The following PCDHA8 variants were observed in gnomAD, a reference collection of about 807,000 sequenced individuals.
PCDHA8 encodes the protein protocadherin alpha 8.
PCDHA8 carries 53 observed loss-of-function variants against 61.8 expected under a neutral mutation model. The observed-to-expected ratio is 0.86, with a 90% CI of 0.69 to 1.08. PCDHA8 has a LOEUF of 1.08. Ranked by LOEUF, PCDHA8 falls within the 50% of genes least tolerant of loss-of-function variation. The pLI is 0.00. For synonymous variants in PCDHA8, 618 were observed against 556.6 expected, an observed-to-expected ratio of 1.11 and a Z score of -1.55; for missense variants, 1,293 against 1,245.0, an observed-to-expected ratio of 1.04 and a Z score of -0.58.
chr5:140,906,239 T>G (rs563566442), intron 1 of PCDHA8, among the ~76,000 whole-genome samples: 5 of 152,314 alleles, frequency 3.3e-5, no homozygotes, highest in Admixed American at 1.3e-4. Context: ...CCTTGTCAAC[T>G]TGAACCCATA....
intron 1 of PCDHA8, among the ~76,000 whole-genome samples, chr5:140,963,211 G>A (rs185560728): frequency 0.016 from 2,496 of 152,042 alleles, 69 homozygotes; most frequent in African/African-American, 0.056. Flanking sequence ...AAAAAACCTC[G>A]TGTTTAGAGT....
At chr5:140,997,668 T>TTGTGTGTGTG (rs35184029) in intron 3 of PCDHA8, among the ~76,000 whole-genome samples, 47 of 148,344 alleles carry the variant, frequency 3.2e-4, no homozygotes, top group East Asian at 1.8e-3. Flanking sequence ...ATTATACAGC[T>TTGTGTGTGTG]TGTGTGTGTG....
chr5:140,967,018 G>T, intron 1 of PCDHA8: 1 of 1,607,168 alleles, frequency 6.2e-7, no homozygotes, highest in Non-Finnish European at 8.5e-7. Context: ...ATCTGGGTGC[G>T]CCCAGTCCGC....
At chr5:140,941,508 G>A (rs1296025812) in intron 1 of PCDHA8, among the ~76,000 whole-genome samples, 1 of 151,286 alleles carries the variant, frequency 6.6e-6, no homozygotes, top group African/African-American at 2.4e-5. Flanking sequence ...GTAGAGACGA[G>A]GTTTCACCAT....
intron 3 of PCDHA8, among the ~76,000 whole-genome samples, chr5:140,985,013 C>T (rs1022576947): frequency 8.6e-5 from 13 of 152,046 alleles, no homozygotes; most frequent in Non-Finnish European, 1.3e-4. Context: ...TATCGGCTCA[C>T]AGCAACCTCT....
intron 1 of PCDHA8, among the ~76,000 whole-genome samples, chr5:140,942,544 G>T (rs546340510): frequency 1.6e-4 from 24 of 152,000 alleles, no homozygotes; most frequent in Non-Finnish European, 2.9e-4. Context: ...TATGGTGGGG[G>T]GTAGGGGGTT....
At chr5:140,984,177 A>G (rs1337365733) in intron 3 of PCDHA8, among the ~76,000 whole-genome samples, 3 of 152,190 alleles carry the variant, frequency 2.0e-5, no homozygotes, top group Non-Finnish European at 4.4e-5. Context: ...AAGCCACGTG[A>G]AATCATGACT....
Position 140,849,890 on chromosome 5 carries a change from G to A in PCDHA8, c.2394+6175G>A, listed in dbSNP as rs17844330. ...AGTCCGAGTACACGGTGTTCGTGAA[G>A]GAGAACAACCCGCCGGGCTGCCACA... On this transcript the variant is annotated intron_variant, in intron 1 of 3. Transcript: ENST00000531613. 4.5e-4 allele frequency: 715 copies of A among 1,598,648 alleles called. 25 individuals are homozygous for A. In the East Asian group the frequency reaches 0.016, roughly 35 times the overall value.
In PCDHA8 at chr5:140,842,204, A is replaced by T. The variant is rs2150331715; in HGVS notation, c.883A>T (p.Ile295Leu). The T allele has an allele frequency of 6.2e-7, 1 of 1,613,676 alleles. No homozygotes were observed. The highest frequency in any genetic ancestry group is 8.5e-7 in the Non-Finnish European group (1 of 1,179,732). Residue 295 changes from isoleucine (I) to leucine (L), a missense_variant, in exon 1 of 4, where the codon ATA becomes TTA. Ile to Leu is a conservative substitution (Grantham distance 5). Coordinates refer to ENST00000531613, the MANE Select transcript of PCDHA8 (RefSeq NM_018911.3). ...VETMVIDHFS[I>L]DRNTGEIVIR... ...AACTATGGTTATTGACCACTTTAGC[A>T]TAGATCGAAATACGGGAGAAATAGT...
At chr5:140,862,592 A>T (rs1554156626) in intron 1 of PCDHA8, 1 of 507,612 alleles carries the variant, frequency 2.0e-6, no homozygotes, top group Non-Finnish European at 4.0e-6. Context: ...CAGCCCGAGT[A>T]CATGGTGTTC....
At chr5:141,003,750 A>T (rs868985181) in intron 3 of PCDHA8, among the ~76,000 whole-genome samples, 3 of 152,226 alleles carry the variant, frequency 2.0e-5, no homozygotes, top group African/African-American at 7.2e-5. Flanking sequence ...CATATTTTGT[A>T]TAATTATGGT....
intron 1 of PCDHA8, among the ~76,000 whole-genome samples, chr5:140,950,449 T>G (rs1377637881): frequency 4.6e-5 from 7 of 152,088 alleles, no homozygotes; most frequent in African/African-American, 1.7e-4. Flanking sequence ...GTTATTCTAC[T>G]GTCTTCTAAT....
intron 3 of PCDHA8, among the ~76,000 whole-genome samples, chr5:141,000,477 G>C (rs1191359491): frequency 1.5e-5 from 2 of 132,058 alleles, no homozygotes; most frequent in African/African-American, 5.8e-5. Context: ...GCCCAAGCTG[G>C]AGTGCAATGG....
At position 140,871,233 on chromosome 5, in the gene PCDHA8, G is replaced by A. The variant is rs1277389723; in HGVS notation, c.2394+27518G>A. 5 of 1,613,838 alleles carry A rather than the reference G, an allele frequency of 3.1e-6. No individual in the cohort carries two copies. The African/African-American group carries it at 6.7e-5, about 22-fold the overall frequency. On this transcript the variant is annotated intron_variant, in intron 1 of 3. Transcript: ENST00000531613. ...CCATCTGCGTGGTGTCCAGCCTCCT[G>A]GTACTCACGCTGCTGCTGTATACGG...
chr5:140,907,517 G>A (rs1174112923), intron 1 of PCDHA8, among the ~76,000 whole-genome samples: 3 of 152,192 alleles, frequency 2.0e-5, no homozygotes, highest in Non-Finnish European at 4.4e-5. Flanking sequence ...TTCCAGTGAG[G>A]ACAAATCGCT....
At position 140,842,999 on chromosome 5, in the gene PCDHA8, G is replaced by A. The variant is rs782032676; in HGVS notation, c.1678G>A (p.Asp560Asn). ...TLQVFVLDENDNAPALLEPRV... is the reference protein window; with the variant it reads ...TLQVFVLDENNNAPALLEPRV... ...GCAGGTGTTCGTGCTGGACGAGAAT[G>A]ACAACGCGCCGGCACTGCTGGAGCC... The change falls in exon 1 of 4, where the codon GAC (aspartate) becomes AAC (asparagine). Residue 560 changes from aspartate (D) to asparagine (N), a missense_variant. Asp to Asn is a conservative substitution (Grantham distance 23). Transcript: ENST00000531613. 6.3e-7 allele frequency: 1 copy of A among 1,594,954 alleles called. No homozygotes were observed. Among genetic ancestry groups the A allele is most frequent in the Admixed American group, 1.7e-5 (1 of 59,292 alleles).
rs782141581 is a variant in PCDHA8 at position 140,857,357 on chromosome 5, A to G, written c.2394+13642A>G. On this transcript the variant is annotated intron_variant, in intron 1 of 3. Coordinates refer to ENST00000531613, the MANE Select transcript of PCDHA8 (RefSeq NM_018911.3). ...CGGGGGCTCGCCTCCGCTGTGGGCC[A>G]CGGCCAGCGTGTCTGTGGAGGTGGC... 29 of 1,598,430 alleles carry G rather than the reference A, an allele frequency of 1.8e-5. 3 individuals are homozygous for G. Among genetic ancestry groups the G allele is most frequent in the Non-Finnish European group, 2.5e-5 (29 of 1,167,908 alleles).
intron 1 of PCDHA8, among the ~76,000 whole-genome samples, chr5:140,938,642 CCTT>C (rs1554212266): frequency 6.6e-6 from 1 of 151,942 alleles, no homozygotes; most frequent in East Asian, 1.9e-4. Flanking sequence ...GATGTATAAT[CCTT>C]CTTTATATCA....
At chr5:140,963,517 T>C (rs2095769422) in intron 1 of PCDHA8, among the ~76,000 whole-genome samples, 1 of 152,238 alleles carries the variant, frequency 6.6e-6, no homozygotes, top group East Asian at 1.9e-4. Flanking sequence ...GGGGTTCTCA[T>C]AACAGAAGTC....
Sources: allele counts gnomAD v4.1 joint callset (sites outside exome capture counted in the v4.1 genomes callset), GRCh38; gene constraint gnomAD v4.1.1; transcripts MANE v1.5; gene names NCBI Gene and HGNC (gene_info 2026-07-23, HGNC 2026-07-21).